The following ADAMTS17 variants were observed in gnomAD, a reference collection of about 807,000 sequenced individuals.
ADAMTS17 encodes ADAM metallopeptidase with thrombospondin type 1 motif 17, also known as A disintegrin and metalloproteinase with thrombospondin motifs 17.
A neutral mutation model predicts 141.5 loss-of-function variants in ADAMTS17; 113 were observed. The observed-to-expected ratio is 0.80, with a 90% CI of 0.69 to 0.93. ADAMTS17 has a LOEUF of 0.93. Ranked by LOEUF, ADAMTS17 falls within the 40% of genes least tolerant of loss-of-function variation. The pLI, the probability that ADAMTS17 is intolerant of heterozygous loss-of-function variation, is 0.00. For synonymous variants in ADAMTS17, 768 were observed against 630.6 expected (o/e 1.22, Z -3.27); for missense variants, 1,659 against 1,517.9 (o/e 1.09, Z -1.54).
Position 99,997,608 on chromosome 15 carries a change from G to A in ADAMTS17, c.2592-19C>T. ...CACCCACCTGCCAGACGGGAGGAAA[G>A]AGAGAGAGAACGACTGGGTGAGAGG... On this transcript the variant is annotated intron_variant, in intron 18 of 21. Transcript: ENST00000268070. The surrounding 1 kb of genome is among the most constrained non-coding windows in gnomAD (Gnocchi z 4.7). 1 of 1,610,654 alleles carries A rather than the reference G, an allele frequency of 6.2e-7. No individual in the cohort carries two copies. Among genetic ancestry groups the A allele is most frequent in the Non-Finnish European group, 8.5e-7 (1 of 1,178,734 alleles).
chr15:100,020,518 T>G (rs2061385820), intron 18 of ADAMTS17, among the ~76,000 whole-genome samples: 1 of 152,152 alleles, frequency 6.6e-6, no homozygotes, highest in Non-Finnish European at 1.5e-5. Flanking sequence ...AACTGCAAGC[T>G]GCAGGTTCAC....
chr15:99,986,563 G>A (rs979736751), intron 20 of ADAMTS17, among the ~76,000 whole-genome samples: 1 of 152,184 alleles, frequency 6.6e-6, no homozygotes, highest in African/African-American at 2.4e-5. Flanking sequence ...CCCTTCCACT[G>A]GCACCAGGGG....
chr15:100,132,895 T>C lies in ADAMTS17; in HGVS notation c.1575+319A>G, dbSNP rs56170813. Reference sequence around the variant, plus strand: ...CTGAATTATTTTTACGAGAGCCTACTGTGTATGGCAGGTGATGTTGTTTTT... The same window carrying C: ...CTGAATTATTTTTACGAGAGCCTACCGTGTATGGCAGGTGATGTTGTTTTT... On this transcript the variant is annotated intron_variant, in intron 11 of 21. Transcript: ENST00000268070. Among the ~76,000 whole-genome samples, 48,302 of 152,186 alleles carry C rather than the reference T, an allele frequency of 0.32. 8,595 individuals carry two copies. Among genetic ancestry groups the C allele is most frequent in the East Asian group, 0.54 (2,781 of 5,186 alleles).
intron 18 of ADAMTS17, among the ~76,000 whole-genome samples, chr15:100,033,149 T>A (rs1188325820): frequency 6.6e-6 from 1 of 152,038 alleles, no homozygotes; most frequent in East Asian, 1.9e-4. Flanking sequence ...AGCTGATGAG[T>A]CCACTGCACC....
intron 3 of ADAMTS17, among the ~76,000 whole-genome samples, chr15:100,319,822 C>T (rs558533292): frequency 6.6e-6 from 1 of 152,000 alleles, no homozygotes; most frequent in Admixed American, 6.5e-5. Context: ...CCCAGCCACT[C>T]AGGAGGCTGA....
intron 14 of ADAMTS17, among the ~76,000 whole-genome samples, chr15:100,106,046 G>T (rs887680580): frequency 5.9e-5 from 9 of 152,014 alleles, no homozygotes; most frequent in African/African-American, 2.2e-4. Flanking sequence ...ACGTAGGCTG[G>T]AGTGCAGTGG....
intron 8 of ADAMTS17, among the ~76,000 whole-genome samples, chr15:100,167,768 T>C (rs758626186): frequency 4.6e-5 from 7 of 152,232 alleles, no homozygotes; most frequent in African/African-American, 9.6e-5. Flanking sequence ...GAGATAATTA[T>C]GGGAAAAGGT....
intron 14 of ADAMTS17, among the ~76,000 whole-genome samples, chr15:100,101,141 G>C (rs2036074022): frequency 6.6e-6 from 1 of 152,130 alleles, no homozygotes; most frequent in Non-Finnish European, 1.5e-5. Flanking sequence ...CCTCTGCCTG[G>C]AGCTCTCTGC....
chr15:99,974,678 G>T lies in ADAMTS17; in HGVS notation c.3128-116C>A, dbSNP rs1010520164. On this transcript the variant is annotated intron_variant, in intron 21 of 21. Transcript: ENST00000268070. ...TGGGCTCCCTCACCCTCGTGCACACGTCAACCCTTTGCACTGATTAGGCCA... is the reference window on the plus strand; with the variant it reads ...TGGGCTCCCTCACCCTCGTGCACACTTCAACCCTTTGCACTGATTAGGCCA... 1.8e-5 allele frequency: 25 copies of T among 1,356,858 alleles called. No homozygotes were observed. The South Asian group carries it at 3.0e-4, about 16-fold the overall frequency. 84.1% of individuals were successfully genotyped at this position (1,356,858 alleles called of 1,614,324 possible).
chr15:100,112,837 G>C (rs1427711608), intron 13 of ADAMTS17, among the ~76,000 whole-genome samples: 1 of 152,144 alleles, frequency 6.6e-6, no homozygotes. Flanking sequence ...GGGCAGGGAA[G>C]ATGGGCTCAG....
Position 100,220,379 on chromosome 15 carries a change from C to T in ADAMTS17, c.1076-20956G>A, listed in dbSNP as rs188780158. ...TCTTTGCCACCTTTCTTCTTTCCCC[C>T]GAACGCTTCACTGTGAAAATATTCA... is the stretch of plus-strand genomic sequence containing the variant. On this transcript the variant is annotated intron_variant, in intron 7 of 21. Coordinates refer to ENST00000268070, the MANE Select transcript of ADAMTS17 (RefSeq NM_139057.4). 2.8e-4 allele frequency among the ~76,000 whole-genome samples: 42 copies of T among 152,232 alleles called. 1 individual carries two copies. The highest frequency in any genetic ancestry group is 2.2e-3 in the Admixed American group (33 of 15,298).
chr15:100,048,510 G>C (rs1160661748), intron 18 of ADAMTS17, among the ~76,000 whole-genome samples: 1 of 151,130 alleles, frequency 6.6e-6, no homozygotes, highest in East Asian at 1.9e-4. Context: ...TGGGCACTCA[G>C]ACTCCAATAT....
At position 100,027,282 on chromosome 15, in the gene ADAMTS17, T is replaced by C. The variant is rs539040567; in HGVS notation, c.2591+21575A>G. ...TTTTTATTCTTTTATTCTACTCTTT[T>C]TTCTATTGCTTTTAGTTGCATTCTT... On this transcript the variant is annotated intron_variant, in intron 18 of 21. Transcript: ENST00000268070. 1.2e-3 allele frequency among the ~76,000 whole-genome samples: 180 copies of C among 152,384 alleles called. 1 individual carries two copies. The highest frequency in any genetic ancestry group is 2.2e-3 in the Non-Finnish European group (152 of 68,044).
At chr15:100,033,857 G>T (rs1267523346) in intron 18 of ADAMTS17, among the ~76,000 whole-genome samples, 1 of 152,168 alleles carries the variant, frequency 6.6e-6, no homozygotes, top group Non-Finnish European at 1.5e-5. Context: ...CTGTGGCCCA[G>T]CAAGGCCCAA....
intron 15 of ADAMTS17, among the ~76,000 whole-genome samples, chr15:100,073,680 G>T (rs55994043): frequency 1.4e-4 from 21 of 146,304 alleles, no homozygotes; most frequent in East Asian, 8.3e-4. Context: ...ACCAAACACC[G>T]CATGTTCTCA....
At chr15:100,179,624 C>A (rs999076930) in intron 8 of ADAMTS17, among the ~76,000 whole-genome samples, 1 of 152,222 alleles carries the variant, frequency 6.6e-6, no homozygotes, top group Non-Finnish European at 1.5e-5. Flanking sequence ...AACCTCCAAA[C>A]TGTTCTCCAT....
intron 15 of ADAMTS17, among the ~76,000 whole-genome samples, chr15:100,061,097 T>A (rs1456132236): frequency 6.6e-6 from 1 of 152,142 alleles, no homozygotes; most frequent in Non-Finnish European, 1.5e-5. Flanking sequence ...CCCCAAGACG[T>A]TAAACCAATC....
At chr15:100,340,895 G>A in intron 2 of ADAMTS17, 144 bp downstream of exon 2, 1 of 1,278,896 alleles carries the variant, frequency 7.8e-7, no homozygotes, top group Non-Finnish European at 1.1e-6. Flanking sequence ...TGGGGGATGG[G>A]GAGAGGTGGA....
At chr15:99,982,595 G>A (rs1596149789) in intron 20 of ADAMTS17, among the ~76,000 whole-genome samples, 1 of 152,152 alleles carries the variant, frequency 6.6e-6, no homozygotes, top group Non-Finnish European at 1.5e-5. Flanking sequence ...TGATAGCATC[G>A]AATTTGCCCC....
Sources: gnomAD v4.1 joint callset for allele counts (sites outside exome capture counted in the v4.1 genomes callset) on GRCh38, gnomAD v4.1.1 for gene constraint, Gnocchi (gnomAD v3.1) non-coding constraint, MANE v1.5 for transcripts, NCBI Gene and HGNC (gene_info 2026-07-23, HGNC 2026-07-21) for gene names.